Variants in NTRK3 observed in about 807,000 individuals in gnomAD.
The protein encoded by NTRK3 is NT-3 growth factor receptor.
Under a neutral mutation model 91.7 loss-of-function variants are expected in NTRK3, and 24 were observed. The observed-to-expected ratio is 0.26, with a 90% CI of 0.19 to 0.37. The LOEUF is 0.37. NTRK3 is among the 10% of genes least tolerant of loss of function. The pLI, the probability that NTRK3 is intolerant of heterozygous loss-of-function variation, is 1.00. For synonymous variants in NTRK3, 483 were observed against 404.0 expected (o/e 1.20, Z -2.34); for missense variants, 880 against 1,068.9 (o/e 0.82, Z 2.46).
chr15:88,168,548 C>T lies in NTRK3; in HGVS notation c.395+14870G>A, dbSNP rs766361746. Among the ~76,000 whole-genome samples the T allele has an allele frequency of 1.4e-4, 21 of 152,248 alleles. 1 individual carries two copies. Among genetic ancestry groups the T allele is most frequent in the Non-Finnish European group, 2.1e-4 (14 of 68,042 alleles). ...TTCCACACAATAAATAAGGAGCACACGGTTGCTCTTTGCAAACACCACCCT... is the reference window on the plus strand; with the variant it reads ...TTCCACACAATAAATAAGGAGCACATGGTTGCTCTTTGCAAACACCACCCT... On this transcript the variant is annotated intron_variant, in intron 5 of 18. Coordinates refer to ENST00000394480, the Ensembl canonical transcript of NTRK3.
chr15:88,205,864 G>A (rs78606830), intron 3 of NTRK3: 2,226 of 152,332 alleles, frequency 0.015, 26 homozygotes, highest in Middle Eastern at 0.02. Flanking sequence ...GGGGACAAGG[G>A]CGTCCCCTGA....
intron 6 of NTRK3, among the ~76,000 whole-genome samples, chr15:88,140,553 A>G (rs893801054): frequency 1.3e-5 from 2 of 152,250 alleles, no homozygotes; most frequent in African/African-American, 4.8e-5. Flanking sequence ...GCTGTTGTTT[A>G]TGTGAGTCAT....
chr15:88,151,706 C>T (rs1387881303), intron 5 of NTRK3, among the ~76,000 whole-genome samples: 1 of 152,152 alleles, frequency 6.6e-6, no homozygotes, highest in East Asian at 1.9e-4. Context: ...AAAAAGTGGT[C>T]CTGAAGATGG....
exon 19 of NTRK3, chr15:87,872,976 T>C (rs1014073291): frequency 1.7e-5 from 4 of 233,020 alleles, no homozygotes; most frequent in African/African-American, 8.8e-5. Flanking sequence ...TTGCTGGTCT[T>C]TTCACCCTGC....
chr15:87,864,460 G>A (rs1303572181), exon 19 of NTRK3: 3 of 229,980 alleles, frequency 1.3e-5, no homozygotes, highest in Admixed American at 1.1e-4. Context: ...TCTCTACCTG[G>A]TGAGTTATTC....
chr15:88,242,178 A>G (rs1231374645), intron 3 of NTRK3, among the ~76,000 whole-genome samples: 1 of 152,094 alleles, frequency 6.6e-6, no homozygotes, highest in Non-Finnish European at 1.5e-5. Flanking sequence ...TCACCTTCCA[A>G]ATAAACTACC....
At chr15:88,004,247 T>G (rs2076327894) in intron 14 of NTRK3, among the ~76,000 whole-genome samples, 1 of 152,174 alleles carries the variant, frequency 6.6e-6, no homozygotes, top group Non-Finnish European at 1.5e-5. Flanking sequence ...AGAGGGACTA[T>G]GCCAGAGTCC....
intron 14 of NTRK3, among the ~76,000 whole-genome samples, chr15:88,020,237 G>A (rs780445847): frequency 1.3e-5 from 2 of 152,064 alleles, no homozygotes; most frequent in African/African-American, 4.8e-5. Context: ...AAAGAATCTC[G>A]CCATGAATCT....
intron 17 of NTRK3, among the ~76,000 whole-genome samples, chr15:87,910,457 CAG>C (rs2067020970): frequency 6.6e-6 from 1 of 152,152 alleles, no homozygotes; most frequent in Non-Finnish European, 1.5e-5. Flanking sequence ...TGCTAGCACT[CAG>C]AGAAGCAGGA....
At chr15:88,160,973 C>A (rs2044398520) in intron 5 of NTRK3, among the ~76,000 whole-genome samples, 1 of 152,128 alleles carries the variant, frequency 6.6e-6, no homozygotes, top group Non-Finnish European at 1.5e-5. Flanking sequence ...CATGCAAGTC[C>A]TAATAATATC....
intron 14 of NTRK3, among the ~76,000 whole-genome samples, chr15:87,950,773 C>T (rs1393137671): frequency 6.6e-6 from 1 of 152,124 alleles, no homozygotes; most frequent in Admixed American, 6.5e-5. Context: ...AAGGAATATG[C>T]CAATTTCTTC....
At chr15:88,159,610 G>C (rs11853913) in intron 5 of NTRK3, among the ~76,000 whole-genome samples, 1 of 152,190 alleles carries the variant, frequency 6.6e-6, no homozygotes, top group Non-Finnish European at 1.5e-5. Flanking sequence ...CTGCCCTAAA[G>C]AAGTAGACAA....
chr15:88,176,668 AG>A (rs774837465), intron 5 of NTRK3, among the ~76,000 whole-genome samples: 3 of 152,200 alleles, frequency 2.0e-5, no homozygotes, highest in Non-Finnish European at 2.9e-5. Flanking sequence ...AAAATGATCA[AG>A]TCAGACTAGA....
Position 88,255,325 on chromosome 15 carries a change from G to A in NTRK3, c.248+581C>T, listed in dbSNP as rs1019066827. Among the ~76,000 whole-genome samples the A allele has an allele frequency of 7.2e-5, 11 of 152,134 alleles. No homozygotes were observed. Among genetic ancestry groups the A allele is most frequent in the Non-Finnish European group, 2.9e-5 (2 of 68,018 alleles). On this transcript the variant is annotated intron_variant, in intron 3 of 18. Coordinates refer to ENST00000394480, the Ensembl canonical transcript of NTRK3. The surrounding 1 kb of genome is among the most constrained non-coding windows in gnomAD (Gnocchi z 4.3). ...AGGGAAGAGGTAGGCGTCCATGACG[G>A]CCTCCACACGTCCAAAGTCTCCCCG...
At chr15:87,979,076 T>C (rs1353789218) in intron 14 of NTRK3, 1 of 554,546 alleles carries the variant, frequency 1.8e-6, no homozygotes, top group Non-Finnish European at 3.2e-6. Flanking sequence ...TAATTCTCTT[T>C]ATTGGCTCTA....
intron 14 of NTRK3, among the ~76,000 whole-genome samples, chr15:88,010,165 T>C (rs925398110): frequency 6.6e-6 from 1 of 152,170 alleles, no homozygotes; most frequent in Non-Finnish European, 1.5e-5. Context: ...AGTCCAGGCT[T>C]CCAGGCCTCA....
intron 17 of NTRK3, among the ~76,000 whole-genome samples, chr15:87,888,225 G>A (rs1328441404): frequency 6.6e-6 from 1 of 152,108 alleles, no homozygotes; most frequent in African/African-American, 2.4e-5. Context: ...ACTAATTAAA[G>A]AATGCAATCC....
intron 3 of NTRK3, among the ~76,000 whole-genome samples, chr15:88,215,229 G>A (rs1018418003): frequency 2.0e-5 from 3 of 152,140 alleles, no homozygotes; most frequent in Non-Finnish European, 2.9e-5. Context: ...GTTTGTTCAC[G>A]GCTTCCTTGA....
intron 6 of NTRK3, among the ~76,000 whole-genome samples, chr15:88,139,976 G>T (rs2042237656): frequency 6.6e-6 from 1 of 152,138 alleles, no homozygotes; most frequent in Non-Finnish European, 1.5e-5. Flanking sequence ...AAAGGCAAAG[G>T]GAAGTTGTAG....
Sources: gnomAD v4.1 joint callset for allele counts (sites outside exome capture counted in the v4.1 genomes callset) on GRCh38, gnomAD v4.1.1 for gene constraint, Gnocchi (gnomAD v3.1) non-coding constraint, MANE v1.5 for transcripts, NCBI Gene and HGNC (gene_info 2026-07-23, HGNC 2026-07-21) for gene names.